Variants in ZNF407 observed in about 807,000 individuals in gnomAD.
ZNF407 encodes zinc finger protein 407.
Under a neutral mutation model 131.2 loss-of-function variants are expected in ZNF407, and 17 were observed. The observed-to-expected ratio is 0.13, with a 90% CI of 0.09 to 0.19. The LOEUF (loss-of-function observed/expected upper bound fraction) is 0.19. ZNF407 is among the 10% of genes least tolerant of loss of function. The probability of loss-of-function intolerance (pLI) is 1.00; values close to 1 mark genes in which losing one functional copy is unlikely to be tolerated. For synonymous variants in ZNF407, 1,156 were observed against 1,062.0 expected, an observed-to-expected ratio of 1.09 and a Z score of -1.72; for missense variants, 2,681 against 2,830.6, an observed-to-expected ratio of 0.95 and a Z score of 1.20.
chr18:74,755,174 C>G (rs1968899755), intron 3 of ZNF407, among the ~76,000 whole-genome samples: 1 of 151,938 alleles, frequency 6.6e-6, no homozygotes, highest in Admixed American at 6.6e-5. Flanking sequence ...ATTGCAACCC[C>G]CTGCTTTTTT....
chr18:74,633,603 A>G lies in ZNF407; in HGVS notation c.2584A>G (p.Ile862Val), dbSNP rs763401913. 7.1e-5 allele frequency: 114 copies of G among 1,613,948 alleles called. No homozygotes were observed. The highest frequency in any genetic ancestry group is 9.4e-5 in the Non-Finnish European group (111 of 1,179,910). The change falls in exon 2 of 9, where the codon ATT (isoleucine) becomes GTT (valine). Residue 862 changes from isoleucine to valine, a missense_variant. Ile to Val is a conservative substitution (Grantham distance 29). Coordinates refer to ENST00000299687, the MANE Select transcript of ZNF407 (RefSeq NM_017757.3). The part of the protein sequence containing the change: ...CSHCGLLASS[I>V]TNLTVHIRRK... ...ACACTGTGGCCTTTTGGCCTCTAGT[A>G]TTACAAACTTGACTGTTCACATTAG...
intron 4 of ZNF407, among the ~76,000 whole-genome samples, chr18:74,849,165 G>A (rs1001254758): frequency 4.7e-5 from 7 of 148,292 alleles, no homozygotes; most frequent in Admixed American, 1.4e-4. Context: ...TGCAACCTCC[G>A]CCTCCCGGTT....
At chr18:74,912,105 G>A (rs1351197967) in intron 7 of ZNF407, among the ~76,000 whole-genome samples, 1 of 152,158 alleles carries the variant, frequency 6.6e-6, no homozygotes, top group Non-Finnish European at 1.5e-5. Context: ...TAGAATCTCT[G>A]TGTGCTGGGC....
chr18:74,736,303 C>T (rs182074640), intron 3 of ZNF407, among the ~76,000 whole-genome samples: 1,522 of 152,066 alleles, frequency 0.01, 11 homozygotes, highest in South Asian at 0.02. Context: ...AAGGATATTT[C>T]TAAAGATAGG....
intron 3 of ZNF407, among the ~76,000 whole-genome samples, chr18:74,729,555 AT>A (rs1968243658): frequency 6.6e-6 from 1 of 151,884 alleles, no homozygotes; most frequent in Non-Finnish European, 1.5e-5. Flanking sequence ...TTTACTGTGA[AT>A]TTGTTAAGTA....
intron 8 of ZNF407, among the ~76,000 whole-genome samples, chr18:74,957,215 G>A (rs747316266): frequency 1.3e-5 from 2 of 151,988 alleles, no homozygotes; most frequent in African/African-American, 2.4e-5. Context: ...CTCATGCCCC[G>A]TGAGGTTGTC....
At chr18:74,758,780 A>T (rs1969023512) in intron 3 of ZNF407, among the ~76,000 whole-genome samples, 1 of 152,086 alleles carries the variant, frequency 6.6e-6, no homozygotes, top group African/African-American at 2.4e-5. Flanking sequence ...TTTAGTGGAG[A>T]TGTTGGCCAG....
chr18:74,768,851 A>G (rs1361733094), intron 3 of ZNF407, among the ~76,000 whole-genome samples: 1 of 152,112 alleles, frequency 6.6e-6, no homozygotes, highest in East Asian at 1.9e-4. Flanking sequence ...ATCACTATTT[A>G]TTTTTAATAT....
chr18:74,659,597 A>G (rs946193224), intron 3 of ZNF407, among the ~76,000 whole-genome samples: 3 of 152,060 alleles, frequency 2.0e-5, no homozygotes, highest in African/African-American at 7.2e-5. Context: ...AACATTTGTG[A>G]CTCTTTTAAT....
intron 8 of ZNF407, among the ~76,000 whole-genome samples, chr18:75,061,061 G>A (rs775846945): frequency 6.6e-6 from 1 of 152,122 alleles, no homozygotes; most frequent in Non-Finnish European, 1.5e-5. Flanking sequence ...GAATTAACTC[G>A]GTATTGAAAG....
At chr18:74,767,820 A>ATTTTTTTTT (rs10692267) in intron 3 of ZNF407, among the ~76,000 whole-genome samples, 4 of 114,102 alleles carry the variant, frequency 3.5e-5, no homozygotes, top group Admixed American at 1.0e-4. Context: ...CGCCTGGCTA[A>ATTTTTTTTT]TTTTTTTTTT....
At chr18:75,023,135 C>T (rs1347718773) in intron 8 of ZNF407, among the ~76,000 whole-genome samples, 1 of 151,992 alleles carries the variant, frequency 6.6e-6, no homozygotes, top group East Asian at 1.9e-4. Flanking sequence ...ACAATGAGAA[C>T]ACATGGACAC....
chr18:74,908,533 T>C (rs1971626187), intron 7 of ZNF407, among the ~76,000 whole-genome samples: 1 of 152,180 alleles, frequency 6.6e-6, no homozygotes, highest in Non-Finnish European at 1.5e-5. Context: ...GTGCATGTGG[T>C]CCAGCACTCC....
At chr18:75,003,735 T>C (rs915652581) in intron 8 of ZNF407, among the ~76,000 whole-genome samples, 1 of 152,226 alleles carries the variant, frequency 6.6e-6, no homozygotes, top group African/African-American at 2.4e-5. Context: ...TATTGTCCAC[T>C]CTAAGTACAG....
chr18:74,703,981 CAG>C lies in ZNF407; in HGVS notation c.4802+62861_4802+62862del, dbSNP rs370190459. Among the ~76,000 whole-genome samples, 13 of 151,936 alleles carry C rather than the reference CAG, an allele frequency of 8.6e-5. No individual in the cohort carries two copies. The East Asian group carries it at 2.5e-3, about 29-fold the overall frequency. On this transcript the variant is annotated intron_variant, in intron 3 of 8. Transcript: ENST00000299687. The surrounding 1 kb of genome is among the most constrained non-coding windows in gnomAD (Gnocchi z 4.1). ...TTATTTTTTATTTTTTTGCATCTCACAGATAGTCATTCATGTCATGAAGTTAA... is the reference window on the plus strand; with the variant it reads ...TTATTTTTTATTTTTTTGCATCTCACATAGTCATTCATGTCATGAAGTTAA...
chr18:74,672,956 T>A (rs1386899842), intron 3 of ZNF407, among the ~76,000 whole-genome samples: 1 of 152,206 alleles, frequency 6.6e-6, no homozygotes, highest in Non-Finnish European at 1.5e-5. Flanking sequence ...CTTACCTTCT[T>A]TCCTAATATG....
chr18:74,958,448 G>A (rs1002105745), intron 8 of ZNF407, among the ~76,000 whole-genome samples: 2 of 152,126 alleles, frequency 1.3e-5, no homozygotes, highest in Non-Finnish European at 2.9e-5. Flanking sequence ...AGCTGCATTG[G>A]CCATGAGGAG....
At chr18:75,031,642 G>A (rs570873352) in intron 8 of ZNF407, among the ~76,000 whole-genome samples, 33 of 152,264 alleles carry the variant, frequency 2.2e-4, no homozygotes, top group Admixed American at 6.5e-4. Flanking sequence ...ATCAAGAAAC[G>A]AGTATTTATC....
intron 7 of ZNF407, among the ~76,000 whole-genome samples, chr18:74,896,222 C>T (rs923638910): frequency 4.6e-5 from 7 of 152,190 alleles, no homozygotes; most frequent in East Asian, 3.9e-4. Context: ...TTGATCAATG[C>T]CACAAACCTG....
Sources: allele counts gnomAD v4.1 joint callset (sites outside exome capture counted in the v4.1 genomes callset), GRCh38; gene constraint gnomAD v4.1.1; non-coding constraint Gnocchi (gnomAD v3.1); transcripts MANE v1.5; gene names NCBI Gene and HGNC (gene_info 2026-07-23, HGNC 2026-07-21).